Variants in BST1 observed in about 807,000 individuals in gnomAD.
The protein encoded by BST1 is ADP-ribosyl cyclase/cyclic ADP-ribose hydrolase 2.
A neutral mutation model predicts 40.6 loss-of-function variants in BST1; 49 were observed. The observed-to-expected ratio is 1.21, with a 90% CI of 0.96 to 1.53. BST1 has a LOEUF of 1.53. Among genes scored for constraint, BST1 ranks in the 40% most tolerant of loss-of-function variants. The pLI is 0.00. For synonymous variants in BST1, 157 were observed against 159.3 expected (o/e 0.99, Z 0.11); for missense variants, 423 against 395.9 (o/e 1.07, Z -0.58).
chr4:15,704,890 G>A lies in BST1; in HGVS notation c.189-625G>A, dbSNP rs1171893487. 3.9e-6 allele frequency: 3 copies of A among 760,384 alleles called. No homozygotes were observed. In the South Asian group the frequency reaches 4.2e-5, roughly 11 times the overall value. The allele number at this position is 760,384 out of a possible 1,614,324, so 47.1% of individuals were successfully genotyped here. The stretch of plus-strand genomic sequence containing the variant: ...CTTATGTTTGTGATGTCTTTCTTGT[G>A]CTGATCATTTTTATTGTCGCACATT... On this transcript the variant is annotated intron_variant, in intron 1 of 8. Transcript: ENST00000265016.
At chr4:15,718,177 G>A (rs1212100877) in intron 6 of BST1, among the ~76,000 whole-genome samples, 5 of 152,098 alleles carry the variant, frequency 3.3e-5, no homozygotes, top group East Asian at 1.9e-4. Flanking sequence ...AAGAGAGGAC[G>A]GGTTCCATGA....
chr4:15,722,153 C>T (rs1720841362), intron 7 of BST1, among the ~76,000 whole-genome samples: 1 of 152,222 alleles, frequency 6.6e-6, no homozygotes, highest in African/African-American at 2.4e-5. Flanking sequence ...GCCCAAAGTA[C>T]TTATCAGGTC....
chr4:15,766,171 G>A, the BST1 span, among the ~76,000 whole-genome samples: 1 of 151,858 alleles, frequency 6.6e-6, no homozygotes, highest in Non-Finnish European at 1.5e-5. Flanking sequence ...ATGGAGGTAG[G>A]GTGGCAAAAC....
chr4:15,752,321 A>G, the BST1 span, among the ~76,000 whole-genome samples: 2 of 152,150 alleles, frequency 1.3e-5, no homozygotes, highest in African/African-American at 2.4e-5. Context: ...TTAAATGAGA[A>G]GTCTGGATAG....
In BST1 at chr4:15,726,256, C is replaced by T. The variant is rs145591843; in HGVS notation, c.851+3322C>T. ...GCTCCAGGAGGTCAGGGACTTTGAC[C>T]TGTTTTTTTCACTGATGATGGTATT... On this transcript the variant is annotated intron_variant, in intron 8 of 8. Coordinates refer to ENST00000265016, the MANE Select transcript of BST1 (RefSeq NM_004334.3). Among the ~76,000 whole-genome samples, 579 of 150,952 alleles carry T rather than the reference C, an allele frequency of 3.8e-3. 2 individuals are homozygous for T. Among genetic ancestry groups the T allele is most frequent in the Non-Finnish European group, 5.8e-3 (395 of 67,968 alleles).
At chr4:15,723,469 C>T (rs574935221) in intron 8 of BST1, 114 of 728,938 alleles carry the variant, frequency 1.6e-4, no homozygotes, top group Non-Finnish European at 1.9e-4. Context: ...AGGATGGTCT[C>T]GATCTCCTGG....
At chr4:15,727,927 T>C (rs1315360133) in intron 8 of BST1, among the ~76,000 whole-genome samples, 1 of 151,458 alleles carries the variant, frequency 6.6e-6, no homozygotes, top group Non-Finnish European at 1.5e-5. Context: ...AATATAGCCC[T>C]TAAAGACAAT....
chr4:15,765,567 T>G, the BST1 span, among the ~76,000 whole-genome samples: 913 of 152,098 alleles, frequency 6.0e-3, 22 homozygotes, highest in African/African-American at 0.021. Flanking sequence ...TAAATCTCTA[T>G]CCTCATCTCC....
At chr4:15,724,355 T>C (rs1720985026) in intron 8 of BST1, among the ~76,000 whole-genome samples, 1 of 152,236 alleles carries the variant, frequency 6.6e-6, no homozygotes, top group Non-Finnish European at 1.5e-5. Context: ...CTGTGTGCAC[T>C]ACATAAAATA....
At chr4:15,750,551 A>T in the BST1 span, among the ~76,000 whole-genome samples, 1 of 152,198 alleles carries the variant, frequency 6.6e-6, no homozygotes, top group Non-Finnish European at 1.5e-5. Context: ...AGGAACTACT[A>T]TCCAGAACTA....
At chr4:15,737,993 A>G (rs1721631714) in exon 7 of BST1, 2 of 361,704 alleles carry the variant, frequency 5.5e-6, no homozygotes, top group South Asian at 2.1e-5. Flanking sequence ...ACTCCCAAAT[A>G]TTTAGGGTGG....
chr4:15,722,870 T>C lies in BST1; in HGVS notation c.792-5T>C. Reference sequence around the variant, plus strand: ...AATCCCTTAAATATTATTTTCTTTCTGTAGACCAGTGAAGCTCTTACAGTG... The same window carrying C: ...AATCCCTTAAATATTATTTTCTTTCCGTAGACCAGTGAAGCTCTTACAGTG... On this transcript the variant is annotated splice_region_variant and splice_polypyrimidine_tract_variant and intron_variant, in intron 7 of 8. Transcript: ENST00000265016. The C allele has an allele frequency of 6.2e-7, 1 of 1,612,452 alleles. No individual in the cohort carries two copies. Among genetic ancestry groups the C allele is most frequent in the Non-Finnish European group, 8.5e-7 (1 of 1,178,704 alleles).
chr4:15,719,967 C>T (rs147151619), intron 7 of BST1, among the ~76,000 whole-genome samples: 172 of 152,244 alleles, frequency 1.1e-3, no homozygotes, highest in Non-Finnish European at 2.2e-3. Context: ...CAAAACAAGG[C>T]AAATGTCCTT....
chr4:15,738,762 G>A (rs1035663949), downstream of BST1, among the ~76,000 whole-genome samples: 4 of 152,158 alleles, frequency 2.6e-5, no homozygotes, highest in Admixed American at 2.6e-4. Flanking sequence ...AATTTCCAAA[G>A]TAAAGACTAG....
chr4:15,716,568 C>G (rs1378838035), intron 6 of BST1, among the ~76,000 whole-genome samples: 1 of 152,146 alleles, frequency 6.6e-6, no homozygotes, highest in Admixed American at 6.5e-5. Context: ...CCGTGTTGGC[C>G]CCCAGGACCT....
intron 4 of BST1, 53 bp from the exon 5 acceptor site, chr4:15,715,232 A>G: frequency 2.0e-6 from 3 of 1,520,864 alleles, no homozygotes; most frequent in South Asian, 1.1e-5. Flanking sequence ...CACATTTCAT[A>G]GCAGAAAAAT....
the BST1 span, among the ~76,000 whole-genome samples, chr4:15,744,803 A>C: frequency 1.3e-5 from 2 of 152,210 alleles, no homozygotes; most frequent in Admixed American, 6.5e-5. Context: ...AAATTATCTA[A>C]ATTTGAAAAT....
chr4:15,768,767 A>T, the BST1 span, among the ~76,000 whole-genome samples: 1 of 152,042 alleles, frequency 6.6e-6, no homozygotes, highest in Non-Finnish European at 1.5e-5. Flanking sequence ...AAGTGCTGGG[A>T]TTACAGGCGT....
the BST1 span, among the ~76,000 whole-genome samples, chr4:15,756,551 C>G: frequency 0.033 from 5,049 of 152,260 alleles, 282 homozygotes; most frequent in African/African-American, 0.12. Context: ...TAGGTTAACA[C>G]ATGTTGAGAA....
Sources: allele counts gnomAD v4.1 joint callset (sites outside exome capture counted in the v4.1 genomes callset), GRCh38; gene constraint gnomAD v4.1.1; transcripts MANE v1.5; gene names NCBI Gene and HGNC (gene_info 2026-07-23, HGNC 2026-07-21).